ZC3H18: variants seen among roughly 807,000 people sequenced by gnomAD.
ZC3H18 encodes the protein zinc finger CCCH-type containing 18.
A neutral mutation model predicts 106.1 loss-of-function variants in ZC3H18; 8 were observed. That is an observed-to-expected ratio of 0.08 (90% CI 0.04 to 0.14). The LOEUF (loss-of-function observed/expected upper bound fraction) is 0.14. Among genes scored for constraint, ZC3H18 ranks in the 10% least tolerant of loss-of-function variants. The pLI is 1.00. For synonymous variants in ZC3H18, 635 were observed against 522.1 expected, an observed-to-expected ratio of 1.22 and a Z score of -2.95; for missense variants, 1,318 against 1,278.4, an observed-to-expected ratio of 1.03 and a Z score of -0.47.
chr16:88,631,638 G>C lies in ZC3H18; in HGVS notation c.*339G>C, dbSNP rs1906698378. On this transcript the variant is annotated 3_prime_UTR_variant, in exon 18 of 18. Coordinates refer to ENST00000301011, the MANE Select transcript of ZC3H18 (RefSeq NM_144604.4). Reference sequence around the variant, plus strand: ...CCCTGGTCAGGCCTGTGGAGCCCCAGCTCTGGGTCCCTAGCCCGGGTCCAG... The same window carrying C: ...CCCTGGTCAGGCCTGTGGAGCCCCACCTCTGGGTCCCTAGCCCGGGTCCAG... The C allele has an allele frequency of 4.2e-6, 2 of 478,260 alleles. No individual in the cohort carries two copies. The highest frequency in any genetic ancestry group is 2.3e-5 in the Admixed American group (1 of 43,090). The allele number at this position is 478,260 out of a possible 1,614,324, so 29.6% of individuals were successfully genotyped here.
At chr16:88,614,662 C>T (rs2142762953) in intron 8 of ZC3H18, among the ~76,000 whole-genome samples, 1 of 152,340 alleles carries the variant, frequency 6.6e-6, no homozygotes, top group African/African-American at 2.4e-5. Flanking sequence ...TGTTTTTAAT[C>T]CTTTTATGTT....
At chr16:88,595,093 G>T (rs1904359048) in intron 3 of ZC3H18, among the ~76,000 whole-genome samples, 1 of 152,206 alleles carries the variant, frequency 6.6e-6, no homozygotes, top group African/African-American at 2.4e-5. Context: ...GGAGGTTGCA[G>T]TGAGCTGAGA....
chr16:88,622,796 G>A, intron 9 of ZC3H18: 1 of 278,858 alleles, frequency 3.6e-6, no homozygotes, highest in East Asian at 9.8e-5. Context: ...GCTCCCGAGT[G>A]AGGGATGATG....
intron 8 of ZC3H18, among the ~76,000 whole-genome samples, chr16:88,616,542 G>T (rs1472700090): frequency 6.6e-6 from 1 of 152,208 alleles, no homozygotes; most frequent in Non-Finnish European, 1.5e-5. Flanking sequence ...CCTGCCTGGA[G>T]GACAAGGGTT....
intron 3 of ZC3H18, among the ~76,000 whole-genome samples, chr16:88,588,036 G>T (rs1202131562): frequency 1.3e-5 from 2 of 152,232 alleles, no homozygotes; most frequent in Non-Finnish European, 2.9e-5. Flanking sequence ...AGCCTGTGAG[G>T]GCAGCAGACT....
chr16:88,596,807 GCT>G (rs1184251431), intron 3 of ZC3H18, among the ~76,000 whole-genome samples: 1 of 152,234 alleles, frequency 6.6e-6, no homozygotes, highest in Non-Finnish European at 1.5e-5. Context: ...ACCATGAAGA[GCT>G]CTGTAGTGTG....
Position 88,577,662 on chromosome 16 carries a change from T to C in ZC3H18, c.539T>C (p.Leu180Pro). ...CAGAGTGTGGGAGAAAAGGAATCCC[T>C]GGAGGCTGCCAAGGAGAAAAAGAAA... The part of the protein sequence containing the change: ...GVQSVGEKES[L>P]EAAKEKKKED... Residue 180 changes from leucine (L) to proline (P), a missense_variant, in exon 2 of 18, where the codon CTG (leucine) becomes CCG (proline). Leu to Pro is a moderately conservative substitution (Grantham distance 98). Around this residue, in one of 6 missense-constraint regions of ZC3H18, gnomAD observed 346 missense variants for 269.0 expected, o/e 1.29. Transcript: ENST00000301011. 7 of 1,613,878 alleles carry C rather than the reference T, an allele frequency of 4.3e-6. No homozygotes were observed. The highest frequency in any genetic ancestry group is 5.9e-6 in the Non-Finnish European group (7 of 1,180,030).
intron 3 of ZC3H18, among the ~76,000 whole-genome samples, chr16:88,587,872 A>G (rs189705239): frequency 2.0e-5 from 3 of 152,296 alleles, no homozygotes; most frequent in East Asian, 3.9e-4. Context: ...GCAGCCGGGA[A>G]CGCCCCTGTG....
chr16:88,583,580 T>C (rs552416654), intron 2 of ZC3H18, among the ~76,000 whole-genome samples: 53 of 152,358 alleles, frequency 3.5e-4, no homozygotes, highest in African/African-American at 1.3e-3. Context: ...TGCATGTGAA[T>C]TTTATAAAGG....
At chr16:88,574,321 C>A (rs192327831) in intron 1 of ZC3H18, among the ~76,000 whole-genome samples, 1 of 151,928 alleles carries the variant, frequency 6.6e-6, no homozygotes, top group Non-Finnish European at 1.5e-5. Context: ...GCGATTCTCT[C>A]GTCTCAGCCT....
At chr16:88,629,004 T>A in intron 16 of ZC3H18, 150 bp downstream of exon 16, 1 of 710,872 alleles carries the variant, frequency 1.4e-6, no homozygotes, top group Non-Finnish European at 2.4e-6. Flanking sequence ...GTATTTAGGG[T>A]GTTGAAAACT....
intron 6 of ZC3H18, among the ~76,000 whole-genome samples, chr16:88,603,057 T>C (rs990146853): frequency 2.6e-5 from 4 of 151,818 alleles, no homozygotes; most frequent in African/African-American, 9.7e-5. Flanking sequence ...CTCCGCCTCC[T>C]GGGTTCACGC....
chr16:88,589,913 C>A (rs778339586), intron 3 of ZC3H18, among the ~76,000 whole-genome samples: 1 of 152,176 alleles, frequency 6.6e-6, no homozygotes, highest in Non-Finnish European at 1.5e-5. Flanking sequence ...TACTGCAAAC[C>A]AGTGAATTGT....
chr16:88,627,958 C>T lies in ZC3H18; in HGVS notation c.2308C>T (p.Arg770Trp), dbSNP rs1288765041. ...AGAAGACGGTGTTAAAGAGGAAAAG[C>T]GGAAAAGGGATTCGTCCACACAACC... ...KKEDGVKEEKRKRDSSTQPPK... is the reference protein window; with the variant it reads ...KKEDGVKEEKWKRDSSTQPPK... The change falls in exon 15 of 18, where the codon CGG becomes TGG. Residue 770 changes from arginine to tryptophan, a missense_variant. Physicochemically the swap from Arg to Trp is moderately radical, Grantham distance 101. Coordinates refer to ENST00000301011, the MANE Select transcript of ZC3H18 (RefSeq NM_144604.4). This position sits in a 1 kb window ranked among gnomAD's most constrained non-coding sequence, Gnocchi z 4.5. 1.1e-5 allele frequency: 18 copies of T among 1,613,994 alleles called. No individual in the cohort carries two copies. Among genetic ancestry groups the T allele is most frequent in the South Asian group, 4.4e-5 (4 of 91,094 alleles).
At position 88,624,679 on chromosome 16, in the gene ZC3H18, C is replaced by G. The variant is rs776154420; in HGVS notation, c.1976C>G (p.Pro659Arg). 1 of 1,613,858 alleles carries G rather than the reference C, an allele frequency of 6.2e-7. No homozygotes were observed. Among genetic ancestry groups the G allele is most frequent in the Non-Finnish European group, 8.5e-7 (1 of 1,179,960 alleles). ...AAAACCACTGCTCCTGTCCCCGAGC[C>G]CACCAAGCCAGGAGACCCTCGGGAA... is the stretch of plus-strand genomic sequence containing the variant. ...ATKTTAPVPE[P>R]TKPGDPREAR... The change falls in exon 12 of 18, where the codon CCC becomes CGC. Residue 659 changes from proline to arginine, a missense_variant. Coordinates refer to ENST00000301011, the MANE Select transcript of ZC3H18 (RefSeq NM_144604.4).
rs1021540955 is a variant in ZC3H18 at position 88,611,348 on chromosome 16, C to G, written c.1287C>G (p.Arg429=). 1.2e-6 allele frequency: 1 copy of G among 848,036 alleles called. No homozygotes were observed. Among genetic ancestry groups the G allele is most frequent in the Admixed American group, 2.0e-5 (1 of 49,966 alleles). The allele number at this position is 848,036 out of a possible 1,614,324, so 52.5% of individuals were successfully genotyped here. The change falls in exon 8 of 18, where the codon CGC becomes CGG. Residue 429 remains arginine (R), a synonymous_variant. Transcript: ENST00000301011. ...RERERDRERE[R]RQRERERERE... ...GGGAGCGGGACCGAGAGCGGGAGCG[C>G]CGGCAGAGGGAGCGCGAGCGAGAGC...
intron 1 of ZC3H18, among the ~76,000 whole-genome samples, chr16:88,575,883 A>C (rs1305555761): frequency 1.3e-5 from 2 of 148,670 alleles, no homozygotes; most frequent in African/African-American, 4.9e-5. Flanking sequence ...TCTGTGACTT[A>C]GTTTTTGTTT....
chr16:88,586,476 G>C (rs112504149), intron 2 of ZC3H18, 124 bp from the exon 3 acceptor site: 1 of 800,770 alleles, frequency 1.2e-6, no homozygotes, highest in African/African-American at 1.7e-5. Context: ...GAAAATTGAC[G>C]TGAATTCAAT....
chr16:88,622,284 A>T lies in ZC3H18; in HGVS notation c.1563A>T (p.Arg521=). 1 of 1,614,074 alleles carries T rather than the reference A, an allele frequency of 6.2e-7. No homozygotes were observed. Among genetic ancestry groups the T allele is most frequent in the Non-Finnish European group, 8.5e-7 (1 of 1,179,988 alleles). Residue 521 remains arginine, a synonymous_variant, in exon 9 of 18, where the codon CGA becomes CGT. Coordinates refer to ENST00000301011, the MANE Select transcript of ZC3H18 (RefSeq NM_144604.4). ...RADEWKDPWR[R]SKSPKKKLGV... ...ATGAGTGGAAGGACCCTTGGCGCCG[A>T]TCCAAGTCTCCCAAGAAGAAACTCG... is the stretch of plus-strand genomic sequence containing the variant.
Sources: gnomAD v4.1 joint callset for allele counts (sites outside exome capture counted in the v4.1 genomes callset) on GRCh38, gnomAD v4.1.1 for gene constraint, gnomAD v4.1.1 regional missense constraint, Gnocchi (gnomAD v3.1) non-coding constraint, MANE v1.5 for transcripts, NCBI Gene and HGNC (gene_info 2026-07-23, HGNC 2026-07-21) for gene names.